The following FAM162B variants were observed in gnomAD, a reference collection of about 807,000 sequenced individuals.
FAM162B encodes the protein protein FAM162B.
FAM162B carries 16 observed loss-of-function variants against 20.0 expected under a neutral mutation model. That is an observed-to-expected ratio of 0.80 (90% CI 0.54 to 1.21). FAM162B has a LOEUF of 1.21. Ranked by LOEUF, FAM162B falls within the 50% of genes most tolerant of loss-of-function variation. FAM162B has a pLI of 0.00. For synonymous variants in FAM162B, 83 were observed against 89.7 expected, an observed-to-expected ratio of 0.93 and a Z score of 0.42; for missense variants, 260 against 227.5, an observed-to-expected ratio of 1.14 and a Z score of -0.92.
intron 3 of FAM162B, among the ~76,000 whole-genome samples, chr6:116,761,263 C>G (rs1020619784): frequency 6.6e-6 from 1 of 152,092 alleles, no homozygotes; most frequent in African/African-American, 2.4e-5. Flanking sequence ...GGGTAGTCAG[C>G]TCTTAATTTC....
At chr6:116,754,445 T>A (rs938101792) in intron 3 of FAM162B, among the ~76,000 whole-genome samples, 4 of 152,128 alleles carry the variant, frequency 2.6e-5, no homozygotes, top group Non-Finnish European at 5.9e-5. Context: ...AAATAAACAG[T>A]CTTCAAAGTA....
chr6:116,752,731 T>TATATATATATATATATATAGATAGATAG (rs1554259842), intron 3 of FAM162B, 36 bp from the exon 4 acceptor site: 1 of 426,160 alleles, frequency 2.3e-6, no homozygotes, highest in African/African-American at 2.7e-5. Context: ...TATATATATA[T>TATATATATATATATATATAGATAGATAG]ATAGATACAC....
At chr6:116,758,690 AG>A (rs1780081651) in intron 3 of FAM162B, among the ~76,000 whole-genome samples, 1 of 152,198 alleles carries the variant, frequency 6.6e-6, no homozygotes, top group Non-Finnish European at 1.5e-5. Flanking sequence ...GGTGATTTTA[AG>A]GCTTCACATT....
Position 116,765,546 on chromosome 6 carries a change from G to T in FAM162B, c.31C>A (p.Leu11Ile). 2.9e-6 allele frequency: 4 copies of T among 1,385,110 alleles called. No homozygotes were observed. The highest frequency in any genetic ancestry group is 3.7e-6 in the Non-Finnish European group (4 of 1,078,198). The allele number at this position is 1,385,110 out of a possible 1,614,324, so 85.8% of individuals were successfully genotyped here. The part of the protein sequence containing the change: MLRAVGSLLR[L>I]GRGLTVRCGP... Reference sequence around the variant, plus strand: ...CAGCGGACTGTTAGCCCGCGGCCAAGGCGCAGTAGGCTCCCGACCGCCCTG... The same window carrying T: ...CAGCGGACTGTTAGCCCGCGGCCAATGCGCAGTAGGCTCCCGACCGCCCTG... Residue 11 changes from leucine to isoleucine, a missense_variant, in exon 1 of 4, where the codon CTT becomes ATT. Leu to Ile is a conservative substitution (Grantham distance 5). Coordinates refer to ENST00000368557, the MANE Select transcript of FAM162B (RefSeq NM_001085480.3).
At position 116,765,666 on chromosome 6, in the gene FAM162B, C is replaced by G. The variant is rs1172432538; in HGVS notation, c.-90G>C. 3 of 1,235,610 alleles carry G rather than the reference C, an allele frequency of 2.4e-6. No individual in the cohort carries two copies. Among genetic ancestry groups the G allele is most frequent in the South Asian group, 3.8e-5 (1 of 26,230 alleles). 76.5% of individuals were successfully genotyped at this position (1,235,610 alleles called of 1,614,324 possible). On this transcript the variant is annotated 5_prime_UTR_variant, in exon 1 of 4. Transcript: ENST00000368557. Reference sequence around the variant, plus strand: ...CTCTCCTCGTCCCGCCCCGGCCTGCCGCGCGCTGGAGAGCCTGGGACGTGC... The same window carrying G: ...CTCTCCTCGTCCCGCCCCGGCCTGCGGCGCGCTGGAGAGCCTGGGACGTGC...
chr6:116,756,765 A>T (rs928106075), intron 3 of FAM162B, among the ~76,000 whole-genome samples: 2 of 152,214 alleles, frequency 1.3e-5, no homozygotes, highest in Admixed American at 6.5e-5. Context: ...TCAAAGCAAG[A>T]CCTTCCACCA....
Position 116,757,754 on chromosome 6 carries a change from C to CA in FAM162B, c.390+4222dup, listed in dbSNP as rs36020350. Among the ~76,000 whole-genome samples, 694 of 103,154 alleles carry CA rather than the reference C, an allele frequency of 6.7e-3. 17 individuals are homozygous for CA. The East Asian group carries it at 0.081, about 12-fold the overall frequency. 67.7% of individuals were successfully genotyped at this position (103,154 alleles called of 152,430 possible). ...AGAGTGAGACCCTGTCCTCCTCCAC[C>CA]AAAAAAAAAAAAAAAAGGGGTGGGG... On this transcript the variant is annotated intron_variant, in intron 3 of 3. Coordinates refer to ENST00000368557, the MANE Select transcript of FAM162B (RefSeq NM_001085480.3).
At chr6:116,753,431 G>A (rs1313687273) in intron 3 of FAM162B, among the ~76,000 whole-genome samples, 1 of 152,162 alleles carries the variant, frequency 6.6e-6, no homozygotes, top group African/African-American at 2.4e-5. Flanking sequence ...TCTCAGGAGA[G>A]ATACTGAGGA....
intron 3 of FAM162B, among the ~76,000 whole-genome samples, chr6:116,756,491 G>A (rs765780250): frequency 3.5e-4 from 53 of 152,210 alleles, no homozygotes; most frequent in Non-Finnish European, 5.0e-4. Context: ...GAACATTGGT[G>A]AAATTAGAAC....
chr6:116,762,009 C>A lies in FAM162B; in HGVS notation c.358G>T (p.Ala120Ser), dbSNP rs41306045. The change falls in exon 3 of 4, where the codon GCC becomes TCC. Residue 120 changes from alanine to serine, a missense_variant. Physicochemically the swap from Ala to Ser is moderately conservative, Grantham distance 99 (BLOSUM62 1). Coordinates refer to ENST00000368557, the MANE Select transcript of FAM162B (RefSeq NM_001085480.3). ...CYIMIGLTIIACFAVIVSAKR... is the reference protein window; with the variant it reads ...CYIMIGLTIISCFAVIVSAKR... ...GCTGACACTATCACAGCAAAGCAGG[C>A]GATAATTGTGAGTCCAATCATTATG... 1 of 1,602,180 alleles carries A rather than the reference C, an allele frequency of 6.2e-7. No homozygotes were observed. The highest frequency in any genetic ancestry group is 8.5e-7 in the Non-Finnish European group (1 of 1,171,220).
At chr6:116,763,515 G>T (rs1256006235) in intron 2 of FAM162B, among the ~76,000 whole-genome samples, 2 of 152,082 alleles carry the variant, frequency 1.3e-5, no homozygotes, top group Admixed American at 1.3e-4. Context: ...ATGCAAAACT[G>T]CAATGCTTTT....
At position 116,752,605 on chromosome 6, in the gene FAM162B, C is replaced by G; in HGVS notation, c.481G>C (p.Ala161Pro). 1 of 1,589,260 alleles carries G rather than the reference C, an allele frequency of 6.3e-7. No homozygotes were observed. The highest frequency in any genetic ancestry group is 8.6e-7 in the Non-Finnish European group (1 of 1,165,030). ...EEAALAAQAK[A>P]K ...CTTTGTCACTTAGAATATCATTTAG[C>G]TTTAGCCTGTGCAGCCAATGCAGCT... is the stretch of plus-strand genomic sequence containing the variant. Residue 161 changes from alanine to proline, a missense_variant, in exon 4 of 4, where the codon GCT becomes CCT. Coordinates refer to ENST00000368557, the MANE Select transcript of FAM162B (RefSeq NM_001085480.3).
intron 2 of FAM162B, among the ~76,000 whole-genome samples, chr6:116,762,903 C>T (rs1264835750): frequency 5.3e-5 from 8 of 151,822 alleles, no homozygotes; most frequent in Non-Finnish European, 1.0e-4. Context: ...TATAAATATG[C>T]ATATTTAAAG....
intron 2 of FAM162B, 125 bp downstream of exon 2, chr6:116,765,022 G>A: frequency 1.3e-6 from 1 of 788,838 alleles, no homozygotes; most frequent in Non-Finnish European, 2.2e-6. Flanking sequence ...TGTGGTGGGT[G>A]ATATTGCGAA....
At chr6:116,764,427 T>C (rs1771862628) in intron 2 of FAM162B, among the ~76,000 whole-genome samples, 1 of 152,106 alleles carries the variant, frequency 6.6e-6, no homozygotes, top group African/African-American at 2.4e-5. Context: ...AACAGAAACT[T>C]TGGAAAGATT....
chr6:116,764,388 A>C (rs556156453), intron 2 of FAM162B, among the ~76,000 whole-genome samples: 32 of 152,318 alleles, frequency 2.1e-4, no homozygotes, highest in African/African-American at 7.7e-4. Context: ...CCTTGTAAAA[A>C]TGCTGCGAAG....
intron 2 of FAM162B, among the ~76,000 whole-genome samples, chr6:116,762,998 A>G (rs671225): frequency 0.45 from 68,849 of 151,802 alleles, 15,870 homozygotes; most frequent in Middle Eastern, 0.61. Context: ...TGAAAAAAAA[A>G]ATCCAGAAAG....
chr6:116,765,333 C>G (rs1267833200), intron 1 of FAM162B, 72 bp downstream of exon 1: 5 of 1,546,728 alleles, frequency 3.2e-6, no homozygotes, highest in Non-Finnish European at 8.7e-7. Flanking sequence ...AAGCCGACTC[C>G]CGGGCCGGCC....
chr6:116,755,120 T>A (rs1423651626), intron 3 of FAM162B, among the ~76,000 whole-genome samples: 1 of 152,152 alleles, frequency 6.6e-6, no homozygotes, highest in African/African-American at 2.4e-5. Flanking sequence ...TCTCTCACTT[T>A]AAAAAACTAG....
Sources: allele counts gnomAD v4.1 joint callset (sites outside exome capture counted in the v4.1 genomes callset), GRCh38; gene constraint gnomAD v4.1.1; transcripts MANE v1.5; gene names NCBI Gene and HGNC (gene_info 2026-07-23, HGNC 2026-07-21).